Variants in CNTNAP4 observed in about 807,000 individuals in gnomAD.
CNTNAP4 encodes the protein contactin-associated protein-like 4.
Under a neutral mutation model 148.4 loss-of-function variants are expected in CNTNAP4, and 98 were observed. The ratio of observed to expected loss-of-function variants is 0.66; its 90% CI spans 0.56 to 0.78. CNTNAP4 has a LOEUF of 0.78. Among genes scored for constraint, CNTNAP4 ranks in the 30% least tolerant of loss-of-function variants. The pLI is 0.00. For synonymous variants in CNTNAP4, 730 were observed against 565.1 expected, an observed-to-expected ratio of 1.29 and a Z score of -4.14; for missense variants, 1,935 against 1,565.6, an observed-to-expected ratio of 1.24 and a Z score of -3.98.
At chr16:76,499,931 C>T (rs1470421781) in intron 15 of CNTNAP4, among the ~76,000 whole-genome samples, 2 of 152,110 alleles carry the variant, frequency 1.3e-5, no homozygotes, top group East Asian at 3.9e-4. Context: ...TAGTACAGAA[C>T]AAAATGGAGT....
At chr16:76,417,304 C>A (rs2075374586) in intron 3 of CNTNAP4, among the ~76,000 whole-genome samples, 1 of 151,184 alleles carries the variant, frequency 6.6e-6, no homozygotes, top group South Asian at 2.1e-4. Flanking sequence ...AGTTCCTTAT[C>A]TGATTTTAAT....
chr16:76,558,231 A>T (rs1455374030), intron 23 of CNTNAP4: 1 of 346,058 alleles, frequency 2.9e-6, no homozygotes, highest in African/African-American at 2.1e-5. Context: ...GTTAAATATA[A>T]ATGCACCAAG....
chr16:76,478,332 G>T (rs1366125322), intron 11 of CNTNAP4, among the ~76,000 whole-genome samples: 5 of 152,110 alleles, frequency 3.3e-5, no homozygotes, highest in African/African-American at 4.8e-5. Flanking sequence ...ACTCTCTTCA[G>T]TGCACAAAAT....
intron 12 of CNTNAP4, among the ~76,000 whole-genome samples, chr16:76,480,191 T>C (rs1452814721): frequency 6.6e-6 from 1 of 152,174 alleles, no homozygotes; most frequent in East Asian, 1.9e-4. Flanking sequence ...AGATTCTCAC[T>C]ATTCATAGAT....
At chr16:76,484,592 A>C (rs888123753) in intron 12 of CNTNAP4, among the ~76,000 whole-genome samples, 3 of 152,134 alleles carry the variant, frequency 2.0e-5, no homozygotes, top group Admixed American at 2.0e-4. Flanking sequence ...GGGGAGGTTA[A>C]GTGTAGGAGG....
At chr16:76,354,593 T>C (rs2012322913) in intron 2 of CNTNAP4, among the ~76,000 whole-genome samples, 1 of 152,088 alleles carries the variant, frequency 6.6e-6, no homozygotes, top group African/African-American at 2.4e-5. Context: ...GTGGTTTAAA[T>C]ACTCTCATCA....
intron 3 of CNTNAP4, among the ~76,000 whole-genome samples, chr16:76,423,865 T>C (rs532972449): frequency 6.6e-6 from 1 of 152,262 alleles, no homozygotes; most frequent in African/African-American, 2.4e-5. Flanking sequence ...TCCAGAGTGC[T>C]ACTAAGTAAT....
chr16:76,421,332 A>G (rs1169734706), intron 3 of CNTNAP4, among the ~76,000 whole-genome samples: 2 of 152,068 alleles, frequency 1.3e-5, no homozygotes, highest in South Asian at 2.1e-4. Flanking sequence ...ATTGAGATGT[A>G]TTATACGTGC....
Position 76,558,664 on chromosome 16 carries a change from A to T in CNTNAP4, c.3908A>T (p.Gln1303Leu). 1 of 1,609,370 alleles carries T rather than the reference A, an allele frequency of 6.2e-7. No individual in the cohort carries two copies. The highest frequency in any genetic ancestry group is 8.5e-7 in the Non-Finnish European group (1 of 1,177,926). ...ATACAAAATGCAGTCAATGAAAATC[A>T]GAAAGAGTACTTCTTCTGATTGGCA... Reference protein sequence around the residue: ...LNIQNAVNENQKEYFF With the variant: ...LNIQNAVNENLKEYFF Residue 1303 changes from glutamine (Q) to leucine (L), a missense_variant, in exon 24 of 24, where the codon CAG becomes CTG. By Grantham distance (113) the Gln-to-Leu change is moderately radical. Transcript: ENST00000611870.
chr16:76,286,680 G>A (rs1472376968), intron 1 of CNTNAP4, among the ~76,000 whole-genome samples: 2 of 152,068 alleles, frequency 1.3e-5, no homozygotes, highest in African/African-American at 4.8e-5. Flanking sequence ...GATACGGGTG[G>A]CAAGAGAAGG....
At chr16:76,516,321 T>G (rs1402290013) in intron 15 of CNTNAP4, among the ~76,000 whole-genome samples, 1 of 152,136 alleles carries the variant, frequency 6.6e-6, no homozygotes, top group Non-Finnish European at 1.5e-5. Flanking sequence ...ATGCGCCACA[T>G]TTTCTTCACC....
chr16:76,560,338 T>A lies in CNTNAP4; in HGVS notation c.*1655T>A, dbSNP rs943132323. Among the ~76,000 whole-genome samples the A allele has an allele frequency of 6.6e-6, 1 of 152,190 alleles. No individual in the cohort carries two copies. Among genetic ancestry groups the A allele is most frequent in the Non-Finnish European group, 1.5e-5 (1 of 68,030 alleles). ...TCTCATAGCACTATATCCATATTGA[T>A]GTTTCTGCAAATGCCTGACTAAATC... On this transcript the variant is annotated 3_prime_UTR_variant, in exon 24 of 24. Coordinates refer to ENST00000611870, the MANE Select transcript of CNTNAP4 (RefSeq NM_033401.5).
At chr16:76,496,578 C>G (rs1434542101) in intron 14 of CNTNAP4, among the ~76,000 whole-genome samples, 1 of 151,996 alleles carries the variant, frequency 6.6e-6, no homozygotes, top group East Asian at 1.9e-4. Flanking sequence ...GACAATATCC[C>G]AGATATAGAG....
chr16:76,401,236 A>G (rs1163758470), intron 3 of CNTNAP4, among the ~76,000 whole-genome samples: 3 of 152,018 alleles, frequency 2.0e-5, no homozygotes, highest in Non-Finnish European at 2.9e-5. Flanking sequence ...TGTTACTCTC[A>G]TTGTAGAGAT....
chr16:76,299,501 G>T (rs1227079401), intron 1 of CNTNAP4, among the ~76,000 whole-genome samples: 7 of 152,126 alleles, frequency 4.6e-5, no homozygotes, highest in Non-Finnish European at 8.8e-5. Flanking sequence ...AACAACAGGT[G>T]CTGGAGAGGA....
intron 17 of CNTNAP4, among the ~76,000 whole-genome samples, chr16:76,532,169 GGA>G (rs1294387878): frequency 1.3e-5 from 2 of 152,132 alleles, no homozygotes; most frequent in Non-Finnish European, 2.9e-5. Flanking sequence ...AATAAAGCTT[GGA>G]GAGCTGAAGT....
intron 9 of CNTNAP4, among the ~76,000 whole-genome samples, chr16:76,464,135 C>G (rs533125190): frequency 6.6e-6 from 1 of 152,132 alleles, no homozygotes; most frequent in Non-Finnish European, 1.5e-5. Context: ...CACTTCCCAG[C>G]CTTGTACTTC....
chr16:76,378,584 G>T (rs2015662913), intron 3 of CNTNAP4, among the ~76,000 whole-genome samples: 1 of 152,160 alleles, frequency 6.6e-6, no homozygotes, highest in Non-Finnish European at 1.5e-5. Context: ...ACAGACAAGG[G>T]GACCTTTCTG....
At chr16:76,403,052 C>A (rs116672298) in intron 3 of CNTNAP4, among the ~76,000 whole-genome samples, 1,723 of 151,034 alleles carry the variant, frequency 0.011, 37 homozygotes, top group African/African-American at 0.04. Flanking sequence ...TCCATTAAAA[C>A]GCGGGAAAAG....
Sources: allele counts gnomAD v4.1 joint callset (sites outside exome capture counted in the v4.1 genomes callset), GRCh38; gene constraint gnomAD v4.1.1; transcripts MANE v1.5; gene names NCBI Gene and HGNC (gene_info 2026-07-23, HGNC 2026-07-21).